The following STK32B variants were observed in gnomAD, a reference collection of about 807,000 sequenced individuals.
STK32B encodes the protein serine/threonine-protein kinase 32B.
A neutral mutation model predicts 52.6 loss-of-function variants in STK32B; 43 were observed. The observed-to-expected ratio is 0.82, with a 90% confidence interval of 0.64 to 1.05. The LOEUF (loss-of-function observed/expected upper bound fraction) is 1.05, where lower values mean the gene tolerates loss of function less well. Among genes scored for constraint, STK32B ranks in the 50% least tolerant of loss-of-function variants. The probability of loss-of-function intolerance (pLI) is 0.00; values close to 1 mark genes in which losing one functional copy is unlikely to be tolerated. For synonymous variants in STK32B, 238 were observed against 204.3 expected (o/e 1.17, Z -1.41); for missense variants, 621 against 534.6 (o/e 1.16, Z -1.59).
At chr4:5,201,245 T>G (rs1018987329) in intron 3 of STK32B, among the ~76,000 whole-genome samples, 4 of 152,190 alleles carry the variant, frequency 2.6e-5, no homozygotes, top group Non-Finnish European at 5.9e-5. Flanking sequence ...CGAAAGTCAG[T>G]GTTGCTCACA....
intron 3 of STK32B, among the ~76,000 whole-genome samples, chr4:5,288,538 T>C (rs2108880459): frequency 6.6e-6 from 1 of 152,282 alleles, no homozygotes; most frequent in South Asian, 2.1e-4. Flanking sequence ...TATATTTTGA[T>C]TGGAAAAATG....
chr4:5,102,610 C>T (rs1001588573), intron 1 of STK32B, among the ~76,000 whole-genome samples: 1 of 151,424 alleles, frequency 6.6e-6, no homozygotes, highest in African/African-American at 2.4e-5. Flanking sequence ...TGGCTCACTG[C>T]AACCTCCGCC....
chr4:5,111,182 G>A (rs1446367557), intron 1 of STK32B, among the ~76,000 whole-genome samples: 1 of 152,116 alleles, frequency 6.6e-6, no homozygotes, highest in Non-Finnish European at 1.5e-5. Context: ...AATTAGTTCA[G>A]CCCTTATGGG....
rs763541907 is a variant in STK32B, at chr4:5,467,955, G to T, written c.1042-51G>T. Reference sequence around the variant, plus strand: ...GTCCTGTGATGCTCCATTACCGCGCGTCCCCGGACCGTGCTTTGTCATTTA... The same window carrying T: ...GTCCTGTGATGCTCCATTACCGCGCTTCCCCGGACCGTGCTTTGTCATTTA... On this transcript the variant is annotated intron_variant, in intron 10 of 11. Transcript: ENST00000282908. This position sits in a 1 kb window ranked among gnomAD's most constrained non-coding sequence, Gnocchi z 5.8. 6.2e-7 allele frequency: 1 copy of T among 1,604,018 alleles called. No homozygotes were observed. Among genetic ancestry groups the T allele is most frequent in the East Asian group, 2.2e-5 (1 of 44,816 alleles).
chr4:5,207,537 T>A (rs1267205662), intron 3 of STK32B, among the ~76,000 whole-genome samples: 1 of 152,060 alleles, frequency 6.6e-6, no homozygotes, highest in East Asian at 1.9e-4. Context: ...TTTTTCTGTA[T>A]AAATTACCCA....
intron 11 of STK32B, among the ~76,000 whole-genome samples, chr4:5,481,788 C>G (rs977883490): frequency 1.8e-4 from 28 of 152,168 alleles, no homozygotes; most frequent in Non-Finnish European, 1.2e-4. Flanking sequence ...GATCCAGTTT[C>G]GGCTTTCTAC....
chr4:5,249,981 C>T (rs1725798894), intron 3 of STK32B, among the ~76,000 whole-genome samples: 1 of 152,094 alleles, frequency 6.6e-6, no homozygotes, highest in South Asian at 2.1e-4. Context: ...ATGTTTAGCT[C>T]CTACTTATCA....
At chr4:5,439,798 A>T (rs1031311899) in intron 6 of STK32B, among the ~76,000 whole-genome samples, 3 of 151,842 alleles carry the variant, frequency 2.0e-5, no homozygotes, top group African/African-American at 7.2e-5. Flanking sequence ...TAAGGAAGGG[A>T]TCCAGTTTCA....
At chr4:5,255,276 T>C (rs1317321714) in intron 3 of STK32B, among the ~76,000 whole-genome samples, 3 of 152,298 alleles carry the variant, frequency 2.0e-5, no homozygotes, top group African/African-American at 7.2e-5. Context: ...ATGTATTAAG[T>C]TGTCATTGTA....
intron 1 of STK32B, among the ~76,000 whole-genome samples, chr4:5,054,113 G>C (rs1741901632): frequency 6.6e-6 from 1 of 152,118 alleles, no homozygotes; most frequent in African/African-American, 2.4e-5. Flanking sequence ...TCCTAGTACA[G>C]GTAAAACAGT....
chr4:5,342,716 A>C (rs1370261653), intron 4 of STK32B, among the ~76,000 whole-genome samples: 1 of 152,222 alleles, frequency 6.6e-6, no homozygotes, highest in East Asian at 1.9e-4. Flanking sequence ...TCACCTGCCT[A>C]GTCTGTAAAT....
intron 2 of STK32B, among the ~76,000 whole-genome samples, chr4:5,161,469 C>T (rs982409725): frequency 6.6e-6 from 1 of 152,098 alleles, no homozygotes; most frequent in Non-Finnish European, 1.5e-5. Flanking sequence ...TGCTGTTGTT[C>T]CAGACATTAC....
intron 3 of STK32B, among the ~76,000 whole-genome samples, chr4:5,254,107 G>C (rs947256736): frequency 6.6e-6 from 1 of 152,162 alleles, no homozygotes; most frequent in Admixed American, 6.5e-5. Context: ...GTAGATAAAG[G>C]ACTACTGAGA....
intron 4 of STK32B, among the ~76,000 whole-genome samples, chr4:5,340,273 A>G (rs1732987550): frequency 6.6e-6 from 1 of 152,160 alleles, no homozygotes; most frequent in Non-Finnish European, 1.5e-5. Flanking sequence ...CACCAGTGGG[A>G]GCTTCAAGGA....
intron 4 of STK32B, among the ~76,000 whole-genome samples, chr4:5,367,173 C>T (rs376436996): frequency 8.5e-5 from 13 of 152,230 alleles, no homozygotes; most frequent in East Asian, 3.9e-4. Context: ...ATGTAACACA[C>T]GGGCCTTTCG....
At chr4:5,121,485 C>G (rs897455764) in intron 1 of STK32B, among the ~76,000 whole-genome samples, 1 of 152,162 alleles carries the variant, frequency 6.6e-6, no homozygotes, top group South Asian at 2.1e-4. Flanking sequence ...AGAGGAAAAG[C>G]TGGCTCCAAT....
intron 3 of STK32B, among the ~76,000 whole-genome samples, chr4:5,172,554 C>G (rs1719474477): frequency 6.6e-6 from 1 of 152,124 alleles, no homozygotes. Flanking sequence ...TTTTCTGCAT[C>G]TATTGAGATA....
intron 4 of STK32B, among the ~76,000 whole-genome samples, chr4:5,357,207 GT>G (rs76049489): frequency 0.1 from 15,795 of 152,176 alleles, 1,300 homozygotes; most frequent in Admixed American, 0.22. Context: ...AGGCTCTGAA[GT>G]AAACCAAATG....
intron 3 of STK32B, among the ~76,000 whole-genome samples, chr4:5,278,876 C>A (rs1057191646): frequency 6.6e-6 from 1 of 152,108 alleles, no homozygotes; most frequent in African/African-American, 2.4e-5. Flanking sequence ...GGAAGCACTA[C>A]ACACTTTTAA....
Sources: allele counts gnomAD v4.1 joint callset (sites outside exome capture counted in the v4.1 genomes callset), GRCh38; gene constraint gnomAD v4.1.1; non-coding constraint Gnocchi (gnomAD v3.1); transcripts MANE v1.5; gene names NCBI Gene and HGNC (gene_info 2026-07-23, HGNC 2026-07-21).